The following SLIT2 variants were observed in gnomAD, a reference collection of about 807,000 sequenced individuals.
The protein encoded by SLIT2 is slit guidance ligand 2.
In SLIT2, 41 loss-of-function variants were observed where a neutral mutation model predicts 185.7. The ratio of observed to expected loss-of-function variants is 0.22; its 90% CI spans 0.17 to 0.29. The LOEUF (loss-of-function observed/expected upper bound fraction) is 0.29. SLIT2 is among the 10% of genes least tolerant of loss of function. The pLI, the probability that SLIT2 is intolerant of heterozygous loss-of-function variation, is 1.00. For missense variants in SLIT2, 1,571 were observed against 1,909.0 expected, an observed-to-expected ratio of 0.82 and a Z score of 3.30; for synonymous variants, 693 against 680.2, an observed-to-expected ratio of 1.02 and a Z score of -0.29.
chr4:20,464,028 GTCTGTT>G (rs1439668762), intron 4 of SLIT2, among the ~76,000 whole-genome samples: 1 of 151,908 alleles, frequency 6.6e-6, no homozygotes, highest in Non-Finnish European at 1.5e-5. Context: ...TTTACTTGCA[GTCTGTT>G]TCTAAGTTTT....
chr4:20,562,158 C>G (rs897970442), intron 26 of SLIT2, among the ~76,000 whole-genome samples: 1 of 151,824 alleles, frequency 6.6e-6, no homozygotes, highest in African/African-American at 2.4e-5. Context: ...CTCCACCCCT[C>G]CACTGAAACT....
intron 4 of SLIT2, among the ~76,000 whole-genome samples, chr4:20,461,255 C>G (rs547889265): frequency 6.6e-5 from 10 of 152,082 alleles, no homozygotes; most frequent in Non-Finnish European, 1.5e-4. Flanking sequence ...GAATTAAGAG[C>G]ATGAAATTCA....
chr4:20,395,417 G>A (rs2109381365), intron 4 of SLIT2, among the ~76,000 whole-genome samples: 1 of 152,130 alleles, frequency 6.6e-6, no homozygotes, highest in Admixed American at 6.6e-5. Flanking sequence ...ACCTGATTGA[G>A]GGCATGGAAC....
intron 4 of SLIT2, among the ~76,000 whole-genome samples, chr4:20,401,825 G>A (rs1218089644): frequency 6.6e-6 from 1 of 151,808 alleles, no homozygotes; most frequent in Non-Finnish European, 1.5e-5. Context: ...TTAATACAGG[G>A]AAAGCATTTA....
chr4:20,280,108 C>T (rs111765211), intron 4 of SLIT2, among the ~76,000 whole-genome samples: 9,246 of 151,730 alleles, frequency 0.061, 542 homozygotes, highest in African/African-American at 0.16. Context: ...CGGAGGTGGG[C>T]GGATCACGAG....
chr4:20,417,660 T>G (rs775350238), intron 4 of SLIT2, among the ~76,000 whole-genome samples: 8 of 151,784 alleles, frequency 5.3e-5, no homozygotes, highest in Admixed American at 5.3e-4. Context: ...TAGCTGGGAC[T>G]ATAGGCGCAC....
intron 4 of SLIT2, among the ~76,000 whole-genome samples, chr4:20,397,882 T>C (rs937700740): frequency 6.6e-5 from 10 of 151,876 alleles, no homozygotes; most frequent in African/African-American, 2.4e-4. Context: ...ACTAACTTTC[T>C]GTGATGCTAA....
chr4:20,371,717 C>A (rs1723593385), intron 4 of SLIT2, among the ~76,000 whole-genome samples: 1 of 151,922 alleles, frequency 6.6e-6, no homozygotes, highest in South Asian at 2.1e-4. Context: ...CACCATTATA[C>A]CTGGTCAAAA....
Position 20,548,468 on chromosome 4 carries a change from C to T in SLIT2, c.2346-20C>T. ...CATTTCTGTGGTTAATAGTGTACTC[C>T]ATTTCTTTTTCTCTTTTAGAGACTT... On this transcript the variant is annotated intron_variant, in intron 22 of 36. Coordinates refer to ENST00000504154, the MANE Select transcript of SLIT2 (RefSeq NM_004787.4). 1 of 1,332,534 alleles carries T rather than the reference C, an allele frequency of 7.5e-7. No homozygotes were observed. The highest frequency in any genetic ancestry group is 1.1e-6 in the Non-Finnish European group (1 of 924,630). 82.5% of individuals were successfully genotyped at this position (1,332,534 alleles called of 1,614,324 possible). A position where few individuals can be genotyped will look rare whatever the true frequency, so the allele number is the denominator to read the frequency against.
intron 22 of SLIT2, among the ~76,000 whole-genome samples, chr4:20,546,868 A>G (rs1380128345): frequency 6.6e-6 from 1 of 152,104 alleles, no homozygotes; most frequent in Non-Finnish European, 1.5e-5. Context: ...TTTTCAGAAC[A>G]CAAAAAATCA....
chr4:20,586,199 G>A (rs1482371802), intron 29 of SLIT2, among the ~76,000 whole-genome samples: 2 of 152,092 alleles, frequency 1.3e-5, no homozygotes, highest in African/African-American at 2.4e-5. Context: ...TAAAGAAACA[G>A]TCCAATGAAA....
chr4:20,307,549 TG>T (rs973468508), intron 4 of SLIT2, among the ~76,000 whole-genome samples: 21 of 152,120 alleles, frequency 1.4e-4, no homozygotes, highest in Non-Finnish European at 1.9e-4. Context: ...CATGAGCCAC[TG>T]GGTTCAGCCA....
chr4:20,308,876 T>C (rs1359167409), intron 4 of SLIT2, among the ~76,000 whole-genome samples: 1 of 152,186 alleles, frequency 6.6e-6, no homozygotes, highest in South Asian at 2.1e-4. Flanking sequence ...ATTCTGATGC[T>C]AAAAGGACAT....
At chr4:20,574,075 C>T (rs1725859275) in intron 29 of SLIT2, among the ~76,000 whole-genome samples, 1 of 151,896 alleles carries the variant, frequency 6.6e-6, no homozygotes, top group South Asian at 2.1e-4. Context: ...CTGCCTCAGC[C>T]TCCCAAGTAG....
intron 4 of SLIT2, among the ~76,000 whole-genome samples, chr4:20,461,694 C>G (rs186633851): frequency 1.3e-5 from 2 of 152,178 alleles, no homozygotes; most frequent in Non-Finnish European, 2.9e-5. Flanking sequence ...GTGGTTTGGA[C>G]GCAGATTGTA....
At chr4:20,409,265 C>A (rs1056470982) in intron 4 of SLIT2, among the ~76,000 whole-genome samples, 1 of 152,128 alleles carries the variant, frequency 6.6e-6, no homozygotes, top group Admixed American at 6.6e-5. Context: ...TTGTTCCCCA[C>A]CATGTGTCCA....
chr4:20,598,659 G>C (rs1728167315), intron 33 of SLIT2, among the ~76,000 whole-genome samples: 1 of 152,124 alleles, frequency 6.6e-6, no homozygotes, highest in Admixed American at 6.5e-5. Context: ...GGGATGCAGG[G>C]AGGTGTTGCT....
intron 4 of SLIT2, among the ~76,000 whole-genome samples, chr4:20,360,294 G>A (rs1210233508): frequency 2.0e-5 from 3 of 152,102 alleles, no homozygotes; most frequent in African/African-American, 7.2e-5. Flanking sequence ...TACGTTAGTG[G>A]GAGTTTTAGA....
intron 4 of SLIT2, among the ~76,000 whole-genome samples, chr4:20,358,519 A>C (rs2109285518): frequency 6.6e-6 from 1 of 152,234 alleles, no homozygotes; most frequent in South Asian, 2.1e-4. Context: ...ATTTTGAAGA[A>C]ATTTTCAAGA....
Sources: gnomAD v4.1 joint callset for allele counts (sites outside exome capture counted in the v4.1 genomes callset) on GRCh38, gnomAD v4.1.1 for gene constraint, MANE v1.5 for transcripts, NCBI Gene and HGNC (gene_info 2026-07-23, HGNC 2026-07-21) for gene names.